Variants in SYCE1 observed in about 807,000 individuals in gnomAD.
The protein encoded by SYCE1 is cancer/testis antigen 76.
Under a neutral mutation model 55.1 loss-of-function variants are expected in SYCE1, and 37 were observed. That is an observed-to-expected ratio of 0.67 (90% CI 0.52 to 0.88). The LOEUF (loss-of-function observed/expected upper bound fraction) is 0.88, where lower values mean the gene tolerates loss of function less well. Among genes scored for constraint, SYCE1 ranks in the 40% least tolerant of loss-of-function variants. The probability of loss-of-function intolerance (pLI) is 0.00; values close to 1 mark genes in which losing one functional copy is unlikely to be tolerated. For synonymous variants in SYCE1, 163 were observed against 159.4 expected (o/e 1.02, Z -0.17); for missense variants, 399 against 416.4 (o/e 0.96, Z 0.36).
downstream of SYCE1, chr10:133,554,555 G>C (rs77020414): frequency 1.5e-5 from 10 of 651,526 alleles, no homozygotes; most frequent in Middle Eastern, 2.5e-4. Context: ...TTGTGTTCTT[G>C]AGAGCACAAA....
downstream of SYCE1, chr10:133,554,224 G>A (rs1851592878): frequency 2.0e-6 from 3 of 1,501,674 alleles, no homozygotes; most frequent in South Asian, 2.3e-5. Flanking sequence ...ACTGACTGAA[G>A]AATTTCTGCA....
intron 1 of SYCE1, among the ~76,000 whole-genome samples, chr10:133,565,181 A>G (rs1399039245): frequency 2.0e-5 from 3 of 152,114 alleles, no homozygotes; most frequent in Non-Finnish European, 4.4e-5. Context: ...GTGTGTATGT[A>G]AAGTCTGTGG....
upstream of SYCE1, among the ~76,000 whole-genome samples, chr10:133,567,549 G>A (rs1310044099): frequency 5.9e-5 from 9 of 151,976 alleles, no homozygotes; most frequent in African/African-American, 2.2e-4. Flanking sequence ...TGGGCAGGTG[G>A]TTAGCACCTA....
intron 4 of SYCE1, 131 bp from the exon 5 acceptor site, chr10:133,558,345 C>G: frequency 1.1e-6 from 1 of 947,844 alleles, no homozygotes; most frequent in Non-Finnish European, 1.7e-6. Context: ...TTGAGGTGAG[C>G]CCCTCCCTAC....
rs926981260 is a variant in SYCE1 at position 133,555,061 on chromosome 10, T to G, written c.987A>C (p.Ile329=). 2 of 1,551,420 alleles carry G rather than the reference T, an allele frequency of 1.3e-6. No individual in the cohort carries two copies. Among genetic ancestry groups the G allele is most frequent in the African/African-American group, 2.7e-5 (2 of 73,044 alleles). ...AAHQAGPDVL[I]GQEDTLHPDL... ...CGGGGTGGAGTGTGTCCTCCTGGCCTATGAGGACATCAGGCCCTGCTTGGT... is the reference window on the plus strand; with the variant it reads ...CGGGGTGGAGTGTGTCCTCCTGGCCGATGAGGACATCAGGCCCTGCTTGGT... The change falls in exon 13 of 13, where the codon ATA becomes ATC. Residue 329 remains isoleucine, a synonymous_variant. Coordinates refer to ENST00000343131, the MANE Select transcript of SYCE1 (RefSeq NM_001143764.3).
chr10:133,558,312 G>C, intron 4 of SYCE1, 98 bp from the exon 5 acceptor site: 1 of 1,384,654 alleles, frequency 7.2e-7, no homozygotes, highest in Non-Finnish European at 1.0e-6. Flanking sequence ...GCACAGCCTT[G>C]GCCCCAACCC....
At position 133,555,781 on chromosome 10, in the gene SYCE1, CTG is replaced by C. The variant is rs1851660340; in HGVS notation, c.716_717del (p.Thr239SerfsTer12). ...LFLRSQEAAA[T>X]VQLFQEEHRK... ...ACCCTCTTCCCCTCCACATCTTACA[CTG>C]TGGCTGCAGCCTCCTGGCTGCGGAG... On this transcript the variant is annotated frameshift_variant and splice_region_variant, in exon 10 of 13. Transcript: ENST00000343131. LOFTEE classifies it high-confidence loss of function. 1 of 1,612,504 alleles carries C rather than the reference CTG, an allele frequency of 6.2e-7. No homozygotes were observed. Among genetic ancestry groups the C allele is most frequent in the Non-Finnish European group, 8.5e-7 (1 of 1,179,928 alleles).
upstream of SYCE1, among the ~76,000 whole-genome samples, chr10:133,566,733 G>A (rs949852437): frequency 2.2e-4 from 34 of 151,742 alleles, no homozygotes; most frequent in Non-Finnish European, 4.0e-4. Flanking sequence ...TTAGGGTTAC[G>A]TGTTGGGGTT....
At chr10:133,557,615 AG>A in intron 6 of SYCE1, 1 of 577,302 alleles carries the variant, frequency 1.7e-6, no homozygotes, top group African/African-American at 1.9e-5. Context: ...AAAGAGTAAA[AG>A]GCAAAAAATA....
At chr10:133,564,292 T>C (rs1851877776) in intron 1 of SYCE1, 1 of 734,904 alleles carries the variant, frequency 1.4e-6, no homozygotes, top group South Asian at 6.3e-5. Context: ...CACCAGACGC[T>C]GAATTGCACC....
chr10:133,565,564 G>A lies in SYCE1; in HGVS notation c.-35C>T, dbSNP rs1459664982. 2.0e-5 allele frequency: 31 copies of A among 1,545,242 alleles called. No homozygotes were observed. The Admixed American group carries it at 2.8e-4, about 14-fold the overall frequency. On this transcript the variant is annotated 5_prime_UTR_variant, in exon 1 of 13. Coordinates refer to ENST00000343131, the MANE Select transcript of SYCE1 (RefSeq NM_001143764.3). Reference sequence around the variant, plus strand: ...GCTCGCCAGCGAGGGTGCCTCGGGAGGGAGCCTCCAGTGGTGATTGGAGCA... The same window carrying A: ...GCTCGCCAGCGAGGGTGCCTCGGGAAGGAGCCTCCAGTGGTGATTGGAGCA...
At chr10:133,567,625 G>T (rs1428130106), upstream of SYCE1, among the ~76,000 whole-genome samples, 1 of 152,048 alleles carries the variant, frequency 6.6e-6, no homozygotes, top group African/African-American at 2.4e-5. Flanking sequence ...TTCTTTTGGG[G>T]AGGGCCTGAT....
upstream of SYCE1, chr10:133,567,929 A>G (rs1851986107): frequency 1.8e-6 from 1 of 543,808 alleles, no homozygotes; most frequent in Admixed American, 2.2e-5. Context: ...GCGAGGCAGC[A>G]TGGGCAGGAC....
rs557190546 is a variant in SYCE1, at chr10:133,555,946, G to A, written c.595+35C>T. The stretch of plus-strand genomic sequence containing the variant: ...AGGTGAGCACATGAAGGCACGTGAG[G>A]TCAGATATGGGCCATCCACCTTCCC... On this transcript the variant is annotated intron_variant, in intron 9 of 12. Transcript: ENST00000343131. 7.9e-5 allele frequency: 128 copies of A among 1,613,814 alleles called. 2 individuals are homozygous for A. The South Asian group carries it at 1.3e-3, about 17-fold the overall frequency.
chr10:133,554,042 C>T (rs928651623), downstream of SYCE1: 12 of 369,292 alleles, frequency 3.2e-5, no homozygotes, highest in Non-Finnish European at 5.3e-5. Context: ...AAAGTTCCTT[C>T]TAATTGTGGG....
At chr10:133,564,653 G>A (rs1851884778) in intron 1 of SYCE1, among the ~76,000 whole-genome samples, 1 of 152,184 alleles carries the variant, frequency 6.6e-6, no homozygotes, top group Non-Finnish European at 1.5e-5. Context: ...CGCAGGTAGG[G>A]CTGGAGGCAG....
chr10:133,567,766 C>A (rs1851982369), upstream of SYCE1: 6 of 309,230 alleles, frequency 1.9e-5, no homozygotes, highest in South Asian at 1.6e-4. Context: ...TTGGGCGGCT[C>A]TGGAGTGTGG....
At chr10:133,560,415 A>G (rs10857754) in intron 1 of SYCE1, 29,335 of 288,102 alleles carry the variant, frequency 0.1, 1,895 homozygotes, top group East Asian at 0.26. Flanking sequence ...TCAAAGTAAG[A>G]TCAAAGCTCC....
At chr10:133,566,090 C>T (rs565714792), upstream of SYCE1, among the ~76,000 whole-genome samples, 2 of 152,336 alleles carry the variant, frequency 1.3e-5, no homozygotes, top group African/African-American at 4.8e-5. Flanking sequence ...TTCCCGTGAG[C>T]TCCATGCCCA....
Sources: gnomAD v4.1 joint callset for allele counts (sites outside exome capture counted in the v4.1 genomes callset) on GRCh38, gnomAD v4.1.1 for gene constraint, MANE v1.5 for transcripts, NCBI Gene and HGNC (gene_info 2026-07-23, HGNC 2026-07-21) for gene names.